The following ZNF578 variants were observed in gnomAD, a reference collection of about 807,000 sequenced individuals.
ZNF578 encodes the protein zinc finger protein 578, also known as Putative chemokine-related protein B42.
ZNF578 carries 8 observed loss-of-function variants against 8.3 expected under a neutral mutation model. That is an observed-to-expected ratio of 0.96 (90% CI 0.56 to 1.74). The LOEUF (loss-of-function observed/expected upper bound fraction) is 1.74, where lower values mean the gene tolerates loss of function less well. ZNF578 is among the 40% of genes most tolerant of loss of function. ZNF578 has a pLI of 0.00. For missense variants in ZNF578, 726 were observed against 707.5 expected (o/e 1.03, Z -0.30); for synonymous variants, 206 against 232.2 (o/e 0.89, Z 1.03).
rs1275053187 is a variant in ZNF578 at position 52,511,131 on chromosome 19, G to C, written c.750G>C (p.Gln250His). 6.2e-7 allele frequency: 1 copy of C among 1,614,144 alleles called. No individual in the cohort carries two copies. Among genetic ancestry groups the C allele is most frequent in the Non-Finnish European group, 8.5e-7 (1 of 1,179,990 alleles). The change falls in exon 6 of 6, where the codon CAG becomes CAC. Residue 250 changes from glutamine to histidine, a missense_variant. Coordinates refer to ENST00000421239, the MANE Select transcript of ZNF578 (RefSeq NM_001099694.2). Reference protein sequence around the residue: ...FNCSSFVRKHQIIHLGEKQYK... With the variant: ...FNCSSFVRKHHIIHLGEKQYK... ...GTAGCTCATTTGTAAGGAAACATCA[G>C]ATAATCCATTTAGGAGAAAAACAAT... is the stretch of plus-strand genomic sequence containing the variant.
In ZNF578 at chr19:52,485,583, G is replaced by C. The variant is rs546274916; in HGVS notation, c.-121-5741G>C. ...ATCAGACTGTTACTGTGTCTACGTA[G>C]AAAGAAGTAGACATAAGAGACTTCC... On this transcript the variant is annotated intron_variant, in intron 2 of 5. Transcript: ENST00000421239. Among the ~76,000 whole-genome samples, 7 of 152,304 alleles carry C rather than the reference G, an allele frequency of 4.6e-5. No homozygotes were observed. The South Asian group carries it at 1.2e-3, about 27-fold the overall frequency.
intron 5 of ZNF578, among the ~76,000 whole-genome samples, chr19:52,509,110 G>T (rs1220985821): frequency 6.6e-6 from 1 of 151,762 alleles, no homozygotes; most frequent in Non-Finnish European, 1.5e-5. Context: ...CCCCATGTTG[G>T]CCAGCCTGTT....
At position 52,511,247 on chromosome 19, in the gene ZNF578, G is replaced by A. The variant is rs1440023176; in HGVS notation, c.866G>A (p.Cys289Tyr). The change falls in exon 6 of 6, where the codon TGT (cysteine) becomes TAT (tyrosine). Residue 289 changes from cysteine (C) to tyrosine (Y), a missense_variant. Coordinates refer to ENST00000421239, the MANE Select transcript of ZNF578 (RefSeq NM_001099694.2). ...RCHTSEKPYK[C>Y]NECGKSFSYK... Reference sequence around the variant, plus strand: ...CACACTAGTGAGAAACCTTACAAGTGTAATGAATGTGGAAAGTCCTTCAGT... The same window carrying A: ...CACACTAGTGAGAAACCTTACAAGTATAATGAATGTGGAAAGTCCTTCAGT... The A allele has an allele frequency of 6.2e-7, 1 of 1,614,184 alleles. No homozygotes were observed. Among genetic ancestry groups the A allele is most frequent in the Middle Eastern group, 1.6e-4 (1 of 6,062 alleles).
At chr19:52,494,592 C>A (rs1369956191) in intron 3 of ZNF578, among the ~76,000 whole-genome samples, 1 of 152,142 alleles carries the variant, frequency 6.6e-6, no homozygotes, top group East Asian at 1.9e-4. Flanking sequence ...TCTATATAAT[C>A]TAATAACTTG....
intron 5 of ZNF578, among the ~76,000 whole-genome samples, chr19:52,509,954 T>C (rs1379996806): frequency 4.0e-5 from 6 of 150,826 alleles, no homozygotes; most frequent in African/African-American, 1.2e-4. Flanking sequence ...ACATCTTGGC[T>C]CACTGCAACC....
At position 52,513,713 on chromosome 19, in the gene ZNF578, G is replaced by C. The variant is rs1273027514; in HGVS notation, c.*1559G>C. Among the ~76,000 whole-genome samples the C allele has an allele frequency of 7.2e-6, 1 of 138,268 alleles. No homozygotes were observed. The highest frequency in any genetic ancestry group is 1.5e-5 in the Non-Finnish European group (1 of 65,546). 90.7% of individuals were successfully genotyped at this position (138,268 alleles called of 152,430 possible). A position where few individuals can be genotyped will look rare whatever the true frequency, so the allele number is the denominator to read the frequency against. ...CCACTGCACTCCAGGCTGGGCGACAGAGTGAGAGTCTGTCTCAAAAAAAAA... is the reference window on the plus strand; with the variant it reads ...CCACTGCACTCCAGGCTGGGCGACACAGTGAGAGTCTGTCTCAAAAAAAAA... On this transcript the variant is annotated 3_prime_UTR_variant, in exon 6 of 6. Coordinates refer to ENST00000421239, the MANE Select transcript of ZNF578 (RefSeq NM_001099694.2).
chr19:52,467,132 T>C (rs1321613211), intron 2 of ZNF578, among the ~76,000 whole-genome samples: 9 of 151,846 alleles, frequency 5.9e-5, no homozygotes, highest in African/African-American at 2.2e-4. Flanking sequence ...TGCCTCAGCC[T>C]CCCAAATAGC....
At chr19:52,496,765 G>A (rs969742511) in intron 3 of ZNF578, among the ~76,000 whole-genome samples, 1 of 151,888 alleles carries the variant, frequency 6.6e-6, no homozygotes, top group Non-Finnish European at 1.5e-5. Context: ...AGCCTCCTAA[G>A]TAGTTATGAT....
At position 52,511,975 on chromosome 19, in the gene ZNF578, C is replaced by G. The variant is rs1568468675; in HGVS notation, c.1594C>G (p.Leu532Val). 6.8e-6 allele frequency: 11 copies of G among 1,613,898 alleles called. No individual in the cohort carries two copies. The highest frequency in any genetic ancestry group is 9.3e-6 in the Non-Finnish European group (11 of 1,179,974). ...GTCACACCTTTCACGTCATCATAGACTTCATACTGGAGAGAAACCTTACAA... is the reference window on the plus strand; with the variant it reads ...GTCACACCTTTCACGTCATCATAGAGTTCATACTGGAGAGAAACCTTACAA... ...VQSHLSRHHR[L>V]HTGEKPYKCK... Residue 532 changes from leucine to valine, a missense_variant, in exon 6 of 6, where the codon CTT becomes GTT. Coordinates refer to ENST00000421239, the MANE Select transcript of ZNF578 (RefSeq NM_001099694.2).
At position 52,512,433 on chromosome 19, in the gene ZNF578, TAATAAATGTGGCAA is replaced by T. The variant is rs1252311063; in HGVS notation, c.*281_*294del. 7.0e-7 allele frequency: 1 copy of T among 1,435,696 alleles called. No homozygotes were observed. The highest frequency in any genetic ancestry group is 2.3e-5 in the East Asian group (1 of 43,344). The allele number at this position is 1,435,696 out of a possible 1,614,324, so 88.9% of individuals were successfully genotyped here. A position where few individuals can be genotyped will look rare whatever the true frequency, so the allele number is the denominator to read the frequency against. Reference sequence around the variant, plus strand: ...ATAATGAAGAGAGATCTTCCGAGTGTAATAAATGTGGCAAATTTTTCAGACATCGTTCATACCTT... The same window carrying T: ...ATAATGAAGAGAGATCTTCCGAGTGTATTTTTCAGACATCGTTCATACCTT... On this transcript the variant is annotated 3_prime_UTR_variant, in exon 6 of 6. Transcript: ENST00000421239.
At chr19:52,475,551 G>T (rs1250658211) in intron 2 of ZNF578, among the ~76,000 whole-genome samples, 2 of 152,012 alleles carry the variant, frequency 1.3e-5, no homozygotes, top group Admixed American at 6.6e-5. Flanking sequence ...TAGAGACGGG[G>T]TTTCACCATG....
Position 52,504,534 on chromosome 19 carries a change from G to A in ZNF578, c.64-121G>A, listed in dbSNP as rs1304718993. 1.9e-5 allele frequency: 29 copies of A among 1,542,038 alleles called. 1 individual carries two copies. The Middle Eastern group carries it at 5.5e-4, about 29-fold the overall frequency. ...AAAAAAAATTCAAAAATACCTTAAC[G>A]TGGTTTTGTCACAACACAGTCTTTG... On this transcript the variant is annotated intron_variant, in intron 4 of 5. Coordinates refer to ENST00000421239, the MANE Select transcript of ZNF578 (RefSeq NM_001099694.2).
intron 5 of ZNF578, among the ~76,000 whole-genome samples, chr19:52,510,231 T>C (rs1329448493): frequency 6.6e-6 from 1 of 152,148 alleles, no homozygotes; most frequent in Admixed American, 6.5e-5. Flanking sequence ...GAAGAGTATA[T>C]ATTTTTCTCT....
intron 3 of ZNF578, chr19:52,492,962 T>C (rs2059371574): frequency 6.6e-6 from 1 of 152,270 alleles, no homozygotes; most frequent in Non-Finnish European, 1.5e-5. Context: ...AAATTCTCGC[T>C]TGTCTTCATT....
chr19:52,511,965 TCA>T lies in ZNF578; in HGVS notation c.1585_1586del (p.His529SerfsTer2). The T allele has an allele frequency of 6.2e-7, 1 of 1,613,982 alleles. No homozygotes were observed. Among genetic ancestry groups the T allele is most frequent in the African/African-American group, 1.3e-5 (1 of 74,994 alleles). ...TTAATGTACAGTCACACCTTTCACGTCATCATAGACTTCATACTGGAGAGAAA... is the reference window on the plus strand; with the variant it reads ...TTAATGTACAGTCACACCTTTCACGTTCATAGACTTCATACTGGAGAGAAA... Reference protein sequence around the residue: ...TFNVQSHLSRHHRLHTGEKPY... With the variant: ...TFNVQSHLSRXHRLHTGEKPY... On this transcript the variant is annotated frameshift_variant, in exon 6 of 6. Transcript: ENST00000421239. LOFTEE classifies it low-confidence loss of function (END_TRUNC).
rs558534117 is a variant in ZNF578 at position 52,504,710 on chromosome 19, T to G, written c.119T>G (p.Phe40Cys). ...AIEFSLAEWKFLNPAQRALYR... is the reference protein window; with the variant it reads ...AIEFSLAEWKCLNPAQRALYR... Reference sequence around the variant, plus strand: ...GAATTCTCATTGGCAGAGTGGAAATTCCTGAACCCTGCGCAGAGGGCTTTG... The same window carrying G: ...GAATTCTCATTGGCAGAGTGGAAATGCCTGAACCCTGCGCAGAGGGCTTTG... The change falls in exon 5 of 6, where the codon TTC becomes TGC. Residue 40 changes from phenylalanine (F) to cysteine (C), a missense_variant. By Grantham distance (205) the Phe-to-Cys change is radical (BLOSUM62 -2). Coordinates refer to ENST00000421239, the MANE Select transcript of ZNF578 (RefSeq NM_001099694.2). 7.1e-5 allele frequency: 114 copies of G among 1,614,104 alleles called. No individual in the cohort carries two copies. The East Asian group carries it at 8.0e-4, about 11-fold the overall frequency.
intron 2 of ZNF578, among the ~76,000 whole-genome samples, chr19:52,466,321 C>T (rs898074549): frequency 1.3e-5 from 2 of 152,156 alleles, no homozygotes; most frequent in South Asian, 4.1e-4. Flanking sequence ...AAAGGAGTGT[C>T]TTTCTCCTTG....
chr19:52,464,097 G>A (rs1342368626), intron 2 of ZNF578, among the ~76,000 whole-genome samples: 1 of 152,080 alleles, frequency 6.6e-6, no homozygotes, highest in African/African-American at 2.4e-5. Context: ...CAGCCTGTCC[G>A]GTTAAAATTG....
intron 3 of ZNF578, chr19:52,492,737 T>A (rs36681): frequency 0.098 from 14,914 of 152,052 alleles, 856 homozygotes; most frequent in Middle Eastern, 0.17. Context: ...TCTCTCCGCC[T>A]CGCGCTCCGA....
Sources: gnomAD v4.1 joint callset for allele counts (sites outside exome capture counted in the v4.1 genomes callset) on GRCh38, gnomAD v4.1.1 for gene constraint, MANE v1.5 for transcripts, NCBI Gene and HGNC (gene_info 2026-07-23, HGNC 2026-07-21) for gene names.